Variants in INO80 observed in about 807,000 individuals in gnomAD.
INO80 encodes the protein INO80 complex ATPase subunit.
A neutral mutation model predicts 203.4 loss-of-function variants in INO80; 20 were observed. That is an observed-to-expected ratio of 0.10 (90% CI 0.07 to 0.14). INO80 has a LOEUF of 0.14. INO80 is among the 10% of genes least tolerant of loss of function. INO80 has a pLI of 1.00. For synonymous variants in INO80, 726 were observed against 685.2 expected (o/e 1.06, Z -0.93); for missense variants, 1,419 against 1,914.4 (o/e 0.74, Z 4.83).
At chr15:41,081,537 A>G (rs1040256594) in intron 7 of INO80, among the ~76,000 whole-genome samples, 8 of 152,200 alleles carry the variant, frequency 5.3e-5, no homozygotes, top group Admixed American at 5.2e-4. Flanking sequence ...TGATGTCACT[A>G]TTACTCAGTT....
chr15:41,114,968 A>G (rs150389507), intron 1 of INO80, among the ~76,000 whole-genome samples: 86 of 152,326 alleles, frequency 5.6e-4, no homozygotes, highest in African/African-American at 2.0e-3. Flanking sequence ...AATTTAATAA[A>G]TATAGTTTCA....
chr15:41,040,731 T>C (rs2044653092), intron 24 of INO80, among the ~76,000 whole-genome samples: 1 of 151,764 alleles, frequency 6.6e-6, no homozygotes, highest in Non-Finnish European at 1.5e-5. Flanking sequence ...GAGCTACGAC[T>C]GCATCAGTGC....
chr15:41,091,898 C>A, intron 5 of INO80, 129 bp downstream of exon 5: 1 of 644,414 alleles, frequency 1.6e-6, no homozygotes, highest in Non-Finnish European at 2.5e-6. Context: ...ATGATCCGCC[C>A]GCCTCGTCCT....
chr15:41,032,890 T>C (rs551576111), intron 24 of INO80, among the ~76,000 whole-genome samples: 1 of 152,076 alleles, frequency 6.6e-6, no homozygotes, highest in African/African-American at 2.4e-5. Context: ...ACACAAAAAT[T>C]AGCCAGGGGT....
chr15:41,059,900 A>G lies in INO80; in HGVS notation c.1809T>C (p.His603=), dbSNP rs904263347. Residue 603 remains histidine, a synonymous_variant, in exon 15 of 36, where the codon CAT becomes CAC. Transcript: ENST00000648947. ...FKVLPYWGNP[H]DRKVIRRFWS... is the part of the protein sequence containing the mutation. Reference sequence around the variant, plus strand: ...AGAACCTTCTGATGACTTTTCTATCATGAGGATTTCCCCAATATGGTAGCA... The same window carrying G: ...AGAACCTTCTGATGACTTTTCTATCGTGAGGATTTCCCCAATATGGTAGCA... 8 of 1,611,720 alleles carry G rather than the reference A, an allele frequency of 5.0e-6. No homozygotes were observed. Among genetic ancestry groups the G allele is most frequent in the African/African-American group, 1.3e-5 (1 of 74,874 alleles).
chr15:41,079,939 C>A, intron 8 of INO80, 35 bp from the exon 9 acceptor site: 1 of 1,585,690 alleles, frequency 6.3e-7, no homozygotes, highest in Non-Finnish European at 8.7e-7. Context: ...CGGAAAGGAC[C>A]CCATACCAGA....
At chr15:41,018,754 A>T (rs779574667) in intron 26 of INO80, 2 of 152,244 alleles carry the variant, frequency 1.3e-5, no homozygotes, top group African/African-American at 4.8e-5. Context: ...AGTTTTTAGC[A>T]GTCACTTAAG....
At chr15:41,068,028 C>A (rs2045250302) in intron 14 of INO80, among the ~76,000 whole-genome samples, 1 of 152,212 alleles carries the variant, frequency 6.6e-6, no homozygotes, top group Non-Finnish European at 1.5e-5. Context: ...CTACTTCAAC[C>A]TGAATTCTTT....
intron 27 of INO80, among the ~76,000 whole-genome samples, chr15:41,014,588 C>T (rs1220555407): frequency 2.0e-5 from 3 of 152,160 alleles, no homozygotes; most frequent in Non-Finnish European, 2.9e-5. Context: ...ATAAGCACTT[C>T]CATCATTTAG....
chr15:41,048,298 T>C, intron 21 of INO80, 22 bp from the exon 22 acceptor site: 1 of 1,585,020 alleles, frequency 6.3e-7, no homozygotes, highest in Non-Finnish European at 8.7e-7. Context: ...GTAAATAAAA[T>C]AAAGCCAAAC....
chr15:41,023,293 C>T (rs1179876826), intron 25 of INO80: 2 of 455,736 alleles, frequency 4.4e-6, no homozygotes, highest in African/African-American at 4.0e-5. Context: ...GGCAGTATCC[C>T]AGCAGATCGT....
At chr15:41,026,111 G>A (rs529200446) in intron 25 of INO80, among the ~76,000 whole-genome samples, 1 of 152,308 alleles carries the variant, frequency 6.6e-6, no homozygotes, top group South Asian at 2.1e-4. Flanking sequence ...TAGGCAGGCA[G>A]GAGTCAACAG....
At chr15:41,005,200 CAAA>C (rs66849866) in intron 28 of INO80, 3 of 80,052 alleles carry the variant, frequency 3.7e-5, no homozygotes, top group South Asian at 5.5e-4. Flanking sequence ...CTCACACACA[CAAA>C]AAAAAAAAAA....
chr15:41,055,281 C>T lies in INO80; in HGVS notation c.2154G>A (p.Glu718=). The change falls in exon 18 of 36, where the codon GAG becomes GAA. Residue 718 remains glutamate (E), a synonymous_variant. Transcript: ENST00000648947. ...TAGCAGATTTGTTTTCGGCATGGCTCTCAATGTCCTTGGAAAACCATTCAT... is the reference window on the plus strand; with the variant it reads ...TAGCAGATTTGTTTTCGGCATGGCTTTCAATGTCCTTGGAAAACCATTCAT... ...EFNEWFSKDI[E]SHAENKSAID... 1 of 1,612,948 alleles carries T rather than the reference C, an allele frequency of 6.2e-7. No individual in the cohort carries two copies. Among genetic ancestry groups the T allele is most frequent in the Non-Finnish European group, 8.5e-7 (1 of 1,179,310 alleles).
chr15:41,071,603 C>T (rs1157154421), intron 12 of INO80, among the ~76,000 whole-genome samples: 1 of 151,916 alleles, frequency 6.6e-6, no homozygotes, highest in African/African-American at 2.4e-5. Flanking sequence ...CACAGGCATG[C>T]ACCACCATGC....
At chr15:40,987,749 T>G in intron 30 of INO80, 67 bp downstream of exon 30, 1 of 1,400,624 alleles carries the variant, frequency 7.1e-7, no homozygotes, top group South Asian at 1.3e-5. Flanking sequence ...ATAGTCTCAA[T>G]GCAGTCAATG....
At chr15:41,114,110 T>C (rs1045480035) in intron 1 of INO80, among the ~76,000 whole-genome samples, 2 of 151,330 alleles carry the variant, frequency 1.3e-5, no homozygotes, top group Non-Finnish European at 2.9e-5. Flanking sequence ...CTACTAAAAA[T>C]ACAAAAATTA....
chr15:41,083,773 T>C (rs899864325), intron 7 of INO80, among the ~76,000 whole-genome samples: 4 of 151,552 alleles, frequency 2.6e-5, no homozygotes, highest in African/African-American at 9.7e-5. Flanking sequence ...AAAAGTGTCA[T>C]ACTAACCTAT....
At chr15:41,054,671 C>T (rs900352927) in intron 18 of INO80, among the ~76,000 whole-genome samples, 1 of 152,180 alleles carries the variant, frequency 6.6e-6, no homozygotes, top group African/African-American at 2.4e-5. Flanking sequence ...TGGAGTCTGG[C>T]TCTATCACCC....
Sources: allele counts gnomAD v4.1 joint callset (sites outside exome capture counted in the v4.1 genomes callset), GRCh38; gene constraint gnomAD v4.1.1; transcripts MANE v1.5; gene names NCBI Gene and HGNC (gene_info 2026-07-23, HGNC 2026-07-21).